The following SLC26A3 variants were observed in gnomAD, a reference collection of about 807,000 sequenced individuals.
SLC26A3 encodes the protein chloride anion exchanger.
SLC26A3 carries 64 observed loss-of-function variants against 85.6 expected under a neutral mutation model. The observed-to-expected ratio is 0.75, with a 90% CI of 0.61 to 0.92. The LOEUF is 0.92. SLC26A3 is among the 40% of genes least tolerant of loss of function. The pLI, the probability that SLC26A3 is intolerant of heterozygous loss-of-function variation, is 0.00. For missense variants in SLC26A3, 922 were observed against 927.3 expected (o/e 0.99, Z 0.07); for synonymous variants, 349 against 336.0 (o/e 1.04, Z -0.42).
chr7:107,778,552 A>T (rs527893960), intron 12 of SLC26A3, among the ~76,000 whole-genome samples: 1 of 152,058 alleles, frequency 6.6e-6, no homozygotes, highest in Non-Finnish European at 1.5e-5. Context: ...CAAATATAAG[A>T]GGATTCAAAG....
At chr7:107,771,208 T>G (rs1794024485) in intron 18 of SLC26A3, among the ~76,000 whole-genome samples, 2 of 152,150 alleles carry the variant, frequency 1.3e-5, no homozygotes, top group African/African-American at 4.8e-5. Flanking sequence ...TAAGCAGTGA[T>G]GCAGTGATTG....
intron 11 of SLC26A3, 55 bp downstream of exon 11, chr7:107,782,742 C>T: frequency 6.7e-7 from 1 of 1,503,186 alleles, no homozygotes; most frequent in Non-Finnish European, 9.3e-7. Flanking sequence ...AATTTAAGAA[C>T]CGGGGTCCTT....
intron 1 of SLC26A3, among the ~76,000 whole-genome samples, chr7:107,800,330 A>AAAAC (rs764583637): frequency 2.0e-5 from 3 of 152,238 alleles, no homozygotes; most frequent in African/African-American, 4.8e-5. Context: ...CCCTGTCTCT[A>AAAAC]AAACAAACAA....
At chr7:107,794,325 G>A in intron 2 of SLC26A3, 54 bp downstream of exon 2, 1 of 1,601,970 alleles carries the variant, frequency 6.2e-7, no homozygotes, top group Non-Finnish European at 8.5e-7. Flanking sequence ...AAAATTTAGG[G>A]GAAAGTGCTT....
chr7:107,770,010 C>CTTTCTTTCTT (rs1562874079), intron 18 of SLC26A3, among the ~76,000 whole-genome samples: 2 of 36,762 alleles, frequency 5.4e-5, no homozygotes, highest in Admixed American at 2.3e-4. Context: ...CTCTTTCTTT[C>CTTTCTTTCTT]TTTCTTTCTT....
intron 13 of SLC26A3, among the ~76,000 whole-genome samples, chr7:107,777,859 G>T (rs1794145046): frequency 6.6e-6 from 1 of 152,190 alleles, no homozygotes; most frequent in Non-Finnish European, 1.5e-5. Flanking sequence ...CATTAAACCT[G>T]CTTGGAATAG....
At chr7:107,788,829 G>GCT (rs1284915626) in intron 6 of SLC26A3, among the ~76,000 whole-genome samples, 1 of 139,542 alleles carries the variant, frequency 7.2e-6, no homozygotes, top group Non-Finnish European at 1.5e-5. Flanking sequence ...TGTTGCCCAG[G>GCT]CTGGAGTGCA....
At position 107,765,783 on chromosome 7, in the gene SLC26A3, T is replaced by C. The variant is rs1793903248; in HGVS notation, c.*72A>G. On this transcript the variant is annotated 3_prime_UTR_variant, in exon 21 of 21. Transcript: ENST00000340010. Reference sequence around the variant, plus strand: ...ACTCTTCGTACAATGTATGAACTTATCAATAACTTTCTGGGTATAAAGTTG... The same window carrying C: ...ACTCTTCGTACAATGTATGAACTTACCAATAACTTTCTGGGTATAAAGTTG... 6 of 1,098,582 alleles carry C rather than the reference T, an allele frequency of 5.5e-6. No homozygotes were observed. In the African/African-American group the frequency reaches 6.1e-5, roughly 11 times the overall value. 68.1% of individuals were successfully genotyped at this position (1,098,582 alleles called of 1,614,324 possible). A position where few individuals can be genotyped will look rare whatever the true frequency, so the allele number is the denominator to read the frequency against.
intron 12 of SLC26A3, 59 bp downstream of exon 12, chr7:107,779,609 T>G (rs1351491481): frequency 7.9e-7 from 1 of 1,268,044 alleles, no homozygotes; most frequent in East Asian, 2.3e-5. Context: ...GCATTTCACA[T>G]TAGCATTAAA....
chr7:107,782,747 G>T (rs748946308), intron 11 of SLC26A3, 50 bp downstream of exon 11: 7 of 1,522,490 alleles, frequency 4.6e-6, no homozygotes, highest in Non-Finnish European at 5.5e-6. Context: ...AAGAACCGGG[G>T]TCCTTGATTT....
intron 1 of SLC26A3, among the ~76,000 whole-genome samples, chr7:107,800,033 C>T (rs1224411811): frequency 1.3e-5 from 2 of 152,214 alleles, no homozygotes; most frequent in Non-Finnish European, 2.9e-5. Flanking sequence ...CATACAAGGT[C>T]CTTCATGTTT....
At chr7:107,789,780 C>T (rs1345995823) in intron 5 of SLC26A3, 92 bp from the exon 6 acceptor site, 30 of 1,340,476 alleles carry the variant, frequency 2.2e-5, no homozygotes, top group South Asian at 1.4e-4. Context: ...TTACACAAAA[C>T]GTAAAGGCTC....
In SLC26A3 at chr7:107,794,802, T is replaced by C. The variant is rs140233847; in HGVS notation, c.-88-205A>G. Among the ~76,000 whole-genome samples the C allele has an allele frequency of 0.014, 2,202 of 152,332 alleles. 62 individuals carry two copies. Among genetic ancestry groups the C allele is most frequent in the African/African-American group, 0.051 (2,114 of 41,562 alleles). ...TTAGGTAAGTAAACAAGAGCTTTAT[T>C]TTTTAATTTGCCAAAAAGTAACAAA... On this transcript the variant is annotated intron_variant, in intron 1 of 20. Coordinates refer to ENST00000340010, the MANE Select transcript of SLC26A3 (RefSeq NM_000111.3).
rs1472204580 is a variant in SLC26A3 at position 107,774,162 on chromosome 7, G to C, written c.1774-9C>G. On this transcript the variant is annotated splice_polypyrimidine_tract_variant and intron_variant, in intron 16 of 20. Transcript: ENST00000340010. Reference sequence around the variant, plus strand: ...GTACATATAAATCCTTTCTGCAGGAGAGGATAACAAGTATGAAAACTGTGA... The same window carrying C: ...GTACATATAAATCCTTTCTGCAGGACAGGATAACAAGTATGAAAACTGTGA... 3 of 1,583,408 alleles carry C rather than the reference G, an allele frequency of 1.9e-6. No homozygotes were observed. The highest frequency in any genetic ancestry group is 1.3e-5 in the African/African-American group (1 of 74,330).
intron 5 of SLC26A3, 105 bp downstream of exon 5, chr7:107,790,943 A>G: frequency 1.6e-6 from 2 of 1,240,182 alleles, no homozygotes; most frequent in Non-Finnish European, 2.3e-6. Flanking sequence ...GAGACAAACC[A>G]AAGGGAAGAT....
At chr7:107,801,182 A>AAGAT (rs369699576) in intron 1 of SLC26A3, among the ~76,000 whole-genome samples, 2,566 of 152,306 alleles carry the variant, frequency 0.017, 62 homozygotes, top group African/African-American at 0.058. Context: ...GAGATGAGAG[A>AAGAT]AGATAAATGA....
At chr7:107,775,903 G>C (rs984539327) in intron 15 of SLC26A3, 3 of 160,590 alleles carry the variant, frequency 1.9e-5, no homozygotes, top group Admixed American at 5.8e-5. Flanking sequence ...TTAAGGCAGA[G>C]GCTGTATGCA....
At chr7:107,772,926 A>T (rs1406866254) in intron 17 of SLC26A3, among the ~76,000 whole-genome samples, 2 of 152,186 alleles carry the variant, frequency 1.3e-5, no homozygotes, top group African/African-American at 4.8e-5. Context: ...TTTTGTATCC[A>T]GTTCACCCAT....
At chr7:107,787,073 G>T (rs533486179) in intron 7 of SLC26A3, among the ~76,000 whole-genome samples, 164 bp from the exon 8 acceptor site, 2 of 152,178 alleles carry the variant, frequency 1.3e-5, no homozygotes, top group Non-Finnish European at 2.9e-5. Context: ...CTAACATGCC[G>T]CCAGGATTGA....
Sources: gnomAD v4.1 joint callset for allele counts (sites outside exome capture counted in the v4.1 genomes callset) on GRCh38, gnomAD v4.1.1 for gene constraint, MANE v1.5 for transcripts, NCBI Gene and HGNC (gene_info 2026-07-23, HGNC 2026-07-21) for gene names.